Variants in GRIN2B observed in about 807,000 individuals in gnomAD.
The protein encoded by GRIN2B is glutamate ionotropic receptor NMDA type subunit 2B.
A neutral mutation model predicts 114.5 loss-of-function variants in GRIN2B; 5 were observed. The observed-to-expected ratio is 0.04, with a 90% CI of 0.02 to 0.09. GRIN2B has a LOEUF of 0.09. Ranked by LOEUF, GRIN2B falls within the 10% of genes least tolerant of loss-of-function variation. The pLI is 1.00. For synonymous variants in GRIN2B, 787 were observed against 745.1 expected (o/e 1.06, Z -0.92); for missense variants, 1,108 against 1,943.5 (o/e 0.57, Z 8.08).
chr12:13,771,587 C>T (rs1205863413), intron 3 of GRIN2B, among the ~76,000 whole-genome samples: 1 of 152,108 alleles, frequency 6.6e-6, no homozygotes, highest in African/African-American at 2.4e-5. Context: ...ACCTCATTTT[C>T]CTCCAGAATA....
intron 3 of GRIN2B, among the ~76,000 whole-genome samples, chr12:13,817,613 A>G (rs913786024): frequency 2.6e-5 from 4 of 152,228 alleles, no homozygotes; most frequent in Admixed American, 2.6e-4. Flanking sequence ...AATTGTTGAG[A>G]GGAAACTTAA....
intron 3 of GRIN2B, among the ~76,000 whole-genome samples, chr12:13,783,363 C>T (rs765220529): frequency 6.6e-6 from 1 of 152,048 alleles, no homozygotes. Context: ...ACAGGATTCC[C>T]TATGTAATGA....
chr12:13,972,004 G>A (rs1737295119), intron 2 of GRIN2B, among the ~76,000 whole-genome samples: 1 of 152,088 alleles, frequency 6.6e-6, no homozygotes, highest in South Asian at 2.1e-4. Flanking sequence ...CAGTGACAAG[G>A]TCTTACCTTC....
intron 4 of GRIN2B, among the ~76,000 whole-genome samples, chr12:13,751,129 G>C (rs1863477716): frequency 6.6e-6 from 1 of 152,160 alleles, no homozygotes; most frequent in Admixed American, 6.5e-5. Context: ...AAGCAAGAGA[G>C]AGCATGGTGT....
In GRIN2B at chr12:13,559,206, A is replaced by G. The variant is rs1948509388; in HGVS notation, c.*3577T>C. On this transcript the variant is annotated 3_prime_UTR_variant, in exon 14 of 14. Coordinates refer to ENST00000609686, the MANE Select transcript of GRIN2B (RefSeq NM_000834.5). ...AGCCTTCCTTTCTTTAAGTTTTCTT[A>G]AGCAGACCATGAGTAACTTAGTCCC... The G allele has an allele frequency of 6.6e-6, 1 of 151,404 alleles. No homozygotes were observed. Among genetic ancestry groups the G allele is most frequent in the South Asian group, 2.1e-4 (1 of 4,788 alleles). The allele number at this position is 151,404 out of a possible 1,614,324, so 9.4% of individuals were successfully genotyped here.
At chr12:13,797,045 C>T (rs908231825) in intron 3 of GRIN2B, among the ~76,000 whole-genome samples, 5 of 152,292 alleles carry the variant, frequency 3.3e-5, no homozygotes, top group African/African-American at 1.2e-4. Flanking sequence ...ATTAAAAATA[C>T]TGTTTTAGTC....
At chr12:13,841,936 G>A (rs543802865) in intron 3 of GRIN2B, among the ~76,000 whole-genome samples, 5 of 151,970 alleles carry the variant, frequency 3.3e-5, no homozygotes, top group African/African-American at 9.7e-5. Flanking sequence ...ACAATTCATC[G>A]TGCTACATCA....
At chr12:13,917,164 C>A (rs1046762010) in intron 2 of GRIN2B, among the ~76,000 whole-genome samples, 1 of 152,146 alleles carries the variant, frequency 6.6e-6, no homozygotes, top group Non-Finnish European at 1.5e-5. Flanking sequence ...TTTAGGCAAC[C>A]AGTCCAAGCA....
chr12:13,932,127 T>G (rs2136824943), intron 2 of GRIN2B, among the ~76,000 whole-genome samples: 1 of 152,340 alleles, frequency 6.6e-6, no homozygotes, highest in South Asian at 2.1e-4. Context: ...ATTCCTTTTT[T>G]TAATACACTT....
At chr12:13,717,432 A>G (rs1310654158) in intron 4 of GRIN2B, among the ~76,000 whole-genome samples, 1 of 151,978 alleles carries the variant, frequency 6.6e-6, no homozygotes, top group Admixed American at 6.6e-5. Flanking sequence ...ATTACTTTCC[A>G]TTAGCCACAG....
At chr12:13,789,725 T>A (rs138913575) in intron 3 of GRIN2B, among the ~76,000 whole-genome samples, 1 of 152,234 alleles carries the variant, frequency 6.6e-6, no homozygotes, top group Non-Finnish European at 1.5e-5. Flanking sequence ...CAATATATGT[T>A]ACTTGCTATT....
In GRIN2B at chr12:13,659,633, A is replaced by T. The variant is rs113262586; in HGVS notation, c.1125+16112T>A. 7.6e-4 allele frequency among the ~76,000 whole-genome samples: 115 copies of T among 151,826 alleles called. 1 individual carries two copies. The highest frequency in any genetic ancestry group is 3.4e-3 in the Middle Eastern group (1 of 294). ...TACCTATCACCTAGACAATTTTTTT[A>T]AAAAAAAACTCTTATTCAATAAACA... On this transcript the variant is annotated intron_variant, in intron 5 of 13. Coordinates refer to ENST00000609686, the MANE Select transcript of GRIN2B (RefSeq NM_000834.5).
At chr12:13,731,774 G>T (rs1018974768) in intron 4 of GRIN2B, among the ~76,000 whole-genome samples, 1 of 151,998 alleles carries the variant, frequency 6.6e-6, no homozygotes, top group Non-Finnish European at 1.5e-5. Flanking sequence ...CCTCACATCT[G>T]GGGAATTTGA....
intron 5 of GRIN2B, among the ~76,000 whole-genome samples, chr12:13,665,489 T>C (rs1949965405): frequency 6.6e-6 from 1 of 152,178 alleles, no homozygotes; most frequent in Non-Finnish European, 1.5e-5. Context: ...TTGCTACATT[T>C]GGATCCCATT....
intron 2 of GRIN2B, among the ~76,000 whole-genome samples, chr12:13,888,474 C>T (rs1027332340): frequency 6.6e-6 from 1 of 151,036 alleles, no homozygotes; most frequent in Non-Finnish European, 1.5e-5. Context: ...TGGCTCACAA[C>T]TGTAATCCCA....
chr12:13,832,190 GAAC>G (rs1313834793), intron 3 of GRIN2B, among the ~76,000 whole-genome samples: 1 of 152,100 alleles, frequency 6.6e-6, no homozygotes, highest in African/African-American at 2.4e-5. Context: ...CTTATTATGA[GAAC>G]ATTATAAAGC....
intron 3 of GRIN2B, among the ~76,000 whole-genome samples, chr12:13,799,190 A>G (rs1390724069): frequency 6.6e-6 from 1 of 152,126 alleles, no homozygotes; most frequent in Non-Finnish European, 1.5e-5. Context: ...CTCCTTAAGA[A>G]TCATGGCCAC....
intron 10 of GRIN2B, among the ~76,000 whole-genome samples, chr12:13,602,281 C>A (rs911876421): frequency 4.6e-5 from 7 of 152,144 alleles, no homozygotes; most frequent in African/African-American, 1.7e-4. Flanking sequence ...TGAATCATAC[C>A]CTTACATTTT....
intron 3 of GRIN2B, among the ~76,000 whole-genome samples, chr12:13,808,743 T>C (rs1024566531): frequency 2.6e-5 from 3 of 115,044 alleles, no homozygotes; most frequent in Non-Finnish European, 5.7e-5. Context: ...TAAAGTATAA[T>C]AAAAAAAAAA....
Sources: gnomAD v4.1 joint callset for allele counts (sites outside exome capture counted in the v4.1 genomes callset) on GRCh38, gnomAD v4.1.1 for gene constraint, MANE v1.5 for transcripts, NCBI Gene and HGNC (gene_info 2026-07-23, HGNC 2026-07-21) for gene names.